Variants in KDM4B observed in about 807,000 individuals in gnomAD.
The protein encoded by KDM4B is lysine-specific demethylase 4B.
KDM4B carries 32 observed loss-of-function variants against 125.2 expected under a neutral mutation model. The ratio of observed to expected loss-of-function variants is 0.26; its 90% confidence interval spans 0.19 to 0.34. The LOEUF is 0.34. Among genes scored for constraint, KDM4B ranks in the 10% least tolerant of loss-of-function variants. KDM4B has a pLI of 1.00. For missense variants in KDM4B, 1,190 were observed against 1,577.7 expected (o/e 0.75, Z 4.16); for synonymous variants, 721 against 677.9 (o/e 1.06, Z -0.99).
intron 1 of KDM4B, among the ~76,000 whole-genome samples, chr19:4,975,124 T>TA (rs1468285781): frequency 1.3e-5 from 2 of 152,154 alleles, no homozygotes; most frequent in Non-Finnish European, 2.9e-5. Context: ...TCTGTTTGTG[T>TA]ATCTGTTTGT....
rs2039983232 is a variant in KDM4B at position 5,153,568 on chromosome 19, A to C, written c.*2057A>C. 6.6e-6 allele frequency: 1 copy of C among 152,242 alleles called. No individual in the cohort carries two copies. Among genetic ancestry groups the C allele is most frequent in the African/African-American group, 2.4e-5 (1 of 41,450 alleles). 9.4% of individuals were successfully genotyped at this position (152,242 alleles called of 1,614,324 possible). ...CTAATGTCCCTGCCTCTAGGTTCAT[A>C]ATGAATTAAAGGTTCATGAACGCTG... On this transcript the variant is annotated 3_prime_UTR_variant, in exon 23 of 23. Coordinates refer to ENST00000159111, the MANE Select transcript of KDM4B (RefSeq NM_015015.3).
At chr19:5,041,374 C>T in intron 5 of KDM4B, 123 bp downstream of exon 5, 1 of 674,512 alleles carries the variant, frequency 1.5e-6, no homozygotes, top group Middle Eastern at 3.4e-4. Flanking sequence ...AACCCCCTCG[C>T]CCAGGCTCTG....
intron 8 of KDM4B, chr19:5,079,096 G>A (rs530186464): frequency 1.7e-4 from 26 of 152,276 alleles, no homozygotes; most frequent in African/African-American, 6.3e-4. Context: ...TCTTTGTAAT[G>A]GTATTTACTT....
Position 5,035,763 on chromosome 19 carries a change from C to A in KDM4B, c.141+2732C>A, listed in dbSNP as rs2036597502. ...GCAGCTCCCATGCTGCTTCTCCTTG[C>A]ACCAGTGCAGAGAATCCTTTCTCAA... On this transcript the variant is annotated intron_variant, in intron 3 of 22. Coordinates refer to ENST00000159111, the MANE Select transcript of KDM4B (RefSeq NM_015015.3). The surrounding 1 kb of genome is among the most constrained non-coding windows in gnomAD (Gnocchi z 5.3). 6.6e-6 allele frequency among the ~76,000 whole-genome samples: 1 copy of A among 152,178 alleles called. No homozygotes were observed. The highest frequency in any genetic ancestry group is 2.4e-5 in the African/African-American group (1 of 41,440).
chr19:5,083,809 C>T (rs2038381955), intron 9 of KDM4B, among the ~76,000 whole-genome samples: 1 of 152,338 alleles, frequency 6.6e-6, no homozygotes, highest in South Asian at 2.1e-4. Context: ...CCCATCGTCC[C>T]TCCCAGTGCA....
At chr19:5,079,696 A>T (rs1314800260) in intron 8 of KDM4B, among the ~76,000 whole-genome samples, 1 of 152,210 alleles carries the variant, frequency 6.6e-6, no homozygotes, top group Non-Finnish European at 1.5e-5. Flanking sequence ...CTCAAATAGG[A>T]TAAAGGAATC....
intron 1 of KDM4B, among the ~76,000 whole-genome samples, chr19:5,013,753 G>T (rs2035802037): frequency 6.6e-6 from 1 of 152,202 alleles, no homozygotes; most frequent in African/African-American, 2.4e-5. Flanking sequence ...AGTCCCATCC[G>T]CAAAGCCCCT....
At chr19:5,088,909 C>T (rs375534711) in intron 9 of KDM4B, among the ~76,000 whole-genome samples, 6 of 152,260 alleles carry the variant, frequency 3.9e-5, no homozygotes, top group South Asian at 2.1e-4. Context: ...CAAGGCCCAG[C>T]GTGGGTGAAC....
In KDM4B at chr19:5,152,342, C is replaced by G. The variant is rs1444020481; in HGVS notation, c.*831C>G. The G allele has an allele frequency of 2.0e-5, 3 of 152,262 alleles. No homozygotes were observed. Among genetic ancestry groups the G allele is most frequent in the Non-Finnish European group, 4.4e-5 (3 of 68,066 alleles). The allele number at this position is 152,262 out of a possible 1,614,324, so 9.4% of individuals were successfully genotyped here. A position where few individuals can be genotyped will look rare whatever the true frequency, so the allele number is the denominator to read the frequency against. On this transcript the variant is annotated 3_prime_UTR_variant, in exon 23 of 23. Coordinates refer to ENST00000159111, the MANE Select transcript of KDM4B (RefSeq NM_015015.3). The stretch of plus-strand genomic sequence containing the variant: ...CGCCCACCTTTGCAGAATAAACTCT[C>G]TCCTGGGGTTTGTCTATCTTTGTTT...
In KDM4B at chr19:5,151,391, C is replaced by T. The variant is rs751667781; in HGVS notation, c.3171C>T (p.Ala1057=). Residue 1057 remains alanine (A), a synonymous_variant, in exon 23 of 23, where the codon GCC becomes GCT. Coordinates refer to ENST00000159111, the MANE Select transcript of KDM4B (RefSeq NM_015015.3). ...EPAFSGEEAK[A]AKRPRVGTPL... ...CCTTCTCGGGGGAGGAGGCCAAGGC[C>T]GCCAAGCGCCCGCGTGTGGGCACCC... 3.3e-5 allele frequency: 52 copies of T among 1,586,750 alleles called. No individual in the cohort carries two copies. Among genetic ancestry groups the T allele is most frequent in the African/African-American group, 2.7e-4 (20 of 73,462 alleles).
chr19:5,003,017 C>T (rs2035440299), intron 1 of KDM4B, among the ~76,000 whole-genome samples: 1 of 152,218 alleles, frequency 6.6e-6, no homozygotes. Context: ...TTGTAAAGCC[C>T]TTTCCGTCTC....
At chr19:5,146,951 A>C (rs1460312178) in intron 21 of KDM4B, among the ~76,000 whole-genome samples, 2 of 150,600 alleles carry the variant, frequency 1.3e-5, no homozygotes, top group Non-Finnish European at 3.0e-5. Context: ...AAAAAAAAAA[A>C]AAAAAAAAAA....
At chr19:5,023,403 G>A (rs2036182469) in intron 2 of KDM4B, among the ~76,000 whole-genome samples, 1 of 152,256 alleles carries the variant, frequency 6.6e-6, no homozygotes, top group African/African-American at 2.4e-5. Flanking sequence ...CATGCCCGGG[G>A]CTGGGGCCGA....
intron 10 of KDM4B, chr19:5,112,755 G>A (rs2145992132): frequency 6.6e-6 from 1 of 152,508 alleles, no homozygotes; most frequent in Middle Eastern, 3.3e-3. Context: ...AGCCCCTCCT[G>A]ACAGCCCTGC....
At chr19:5,094,015 G>A (rs893865596) in intron 9 of KDM4B, among the ~76,000 whole-genome samples, 6 of 152,308 alleles carry the variant, frequency 3.9e-5, no homozygotes, top group South Asian at 2.1e-4. Flanking sequence ...GTGGCGGGCC[G>A]AGCCCCCTCA....
Position 4,989,021 on chromosome 19 carries a change from G to T in KDM4B, c.-109+19791G>T, listed in dbSNP as rs566202006. On this transcript the variant is annotated intron_variant, in intron 1 of 22. Transcript: ENST00000159111. Reference sequence around the variant, plus strand: ...TTCCGAGGATCTGGGGGAGTCGTAGGCCAGGAAACAGGACAAAATGTATTT... The same window carrying T: ...TTCCGAGGATCTGGGGGAGTCGTAGTCCAGGAAACAGGACAAAATGTATTT... 3.9e-5 allele frequency among the ~76,000 whole-genome samples: 6 copies of T among 152,342 alleles called. No individual in the cohort carries two copies. The East Asian group carries it at 7.7e-4, about 20-fold the overall frequency.
intron 9 of KDM4B, among the ~76,000 whole-genome samples, chr19:5,093,956 C>T (rs1018462581): frequency 2.0e-5 from 3 of 152,228 alleles, no homozygotes; most frequent in African/African-American, 7.2e-5. Flanking sequence ...CTGAAAGCAC[C>T]AGACATGTAT....
At chr19:4,998,465 T>TAAA (rs2035270177) in intron 1 of KDM4B, among the ~76,000 whole-genome samples, 1 of 152,178 alleles carries the variant, frequency 6.6e-6, no homozygotes, top group Non-Finnish European at 1.5e-5. Flanking sequence ...CTGCTTTGCC[T>TAAA]TTAATCCTTT....
In KDM4B at chr19:5,026,316, C is replaced by T. The variant is rs375764782; in HGVS notation, c.-25-6550C>T. ...CTGGGATTACAGGCGTGAGCCACCA[C>T]GCCCAGCCTTAAAATGTTTTTGAGA... On this transcript the variant is annotated intron_variant, in intron 2 of 22. Transcript: ENST00000159111. Among the ~76,000 whole-genome samples, 6 of 152,072 alleles carry T rather than the reference C, an allele frequency of 3.9e-5. No individual in the cohort carries two copies. The East Asian group carries it at 9.8e-4, about 25-fold the overall frequency.
Sources: gnomAD v4.1 joint callset for allele counts (sites outside exome capture counted in the v4.1 genomes callset) on GRCh38, gnomAD v4.1.1 for gene constraint, Gnocchi (gnomAD v3.1) non-coding constraint, MANE v1.5 for transcripts, NCBI Gene and HGNC (gene_info 2026-07-23, HGNC 2026-07-21) for gene names.